Variants in KCNQ1OT1 observed in about 807,000 individuals in gnomAD.
The protein encoded by KCNQ1OT1 is KCNQ1 opposite strand/antisense transcript 1, also known as KCNQ1 antisense RNA 2 (non-protein coding).
In KCNQ1OT1 at chr11:2,612,729, C is replaced by G. The variant is rs1849000918; in HGVS notation, n.87266G>C. ...TGAAATCGCGCCCTAACATTTGGGGCCCTTCAGAGATAATTCCTATTTATT... is the reference window on the plus strand; with the variant it reads ...TGAAATCGCGCCCTAACATTTGGGGGCCTTCAGAGATAATTCCTATTTATT... On this transcript the variant is annotated non_coding_transcript_exon_variant, in exon 1 of 1. Transcript: ENST00000597346. This position sits in a 1 kb window ranked among gnomAD's most constrained non-coding sequence, Gnocchi z 5.5. 2.5e-6 allele frequency: 1 copy of G among 398,482 alleles called. No homozygotes were observed. The highest frequency in any genetic ancestry group is 4.4e-6 in the Non-Finnish European group (1 of 226,048). 24.7% of individuals were successfully genotyped at this position (398,482 alleles called of 1,614,324 possible). A position where few individuals can be genotyped will look rare whatever the true frequency, so the allele number is the denominator to read the frequency against.
At chr11:2,619,919 A>C in exon 1 of KCNQ1OT1, 1 of 397,804 alleles carries the variant, frequency 2.5e-6, no homozygotes, top group Non-Finnish European at 4.4e-6. Flanking sequence ...TGGTATATGG[A>C]GTATACTGCA....
chr11:2,615,256 C>T, exon 1 of KCNQ1OT1: 1 of 398,030 alleles, frequency 2.5e-6, no homozygotes, highest in Non-Finnish European at 4.4e-6. Flanking sequence ...TGAACATGTA[C>T]CCTGCAATTT....
At chr11:2,650,155 A>C (rs1385381123) in exon 1 of KCNQ1OT1, 2 of 398,210 alleles carry the variant, frequency 5.0e-6, no homozygotes, top group African/African-American at 4.1e-5. Flanking sequence ...TTTCATATCT[A>C]ACTCTGCTGG....
In KCNQ1OT1 at chr11:2,617,456, T is replaced by A. The variant is rs561193603; in HGVS notation, n.82539A>T. ...CATTGTAGACATACACACCACAGTTTAGTCATCCATCAATGGACACGTAAG... is the reference window on the plus strand; with the variant it reads ...CATTGTAGACATACACACCACAGTTAAGTCATCCATCAATGGACACGTAAG... On this transcript the variant is annotated non_coding_transcript_exon_variant, in exon 1 of 1. Coordinates refer to ENST00000597346, the Ensembl canonical transcript of KCNQ1OT1. The surrounding 1 kb of genome is among the most constrained non-coding windows in gnomAD (Gnocchi z 4.6). 2.5e-6 allele frequency: 1 copy of A among 398,350 alleles called. No homozygotes were observed. The highest frequency in any genetic ancestry group is 3.6e-5 in the East Asian group (1 of 28,074). The allele number at this position is 398,350 out of a possible 1,614,324, so 24.7% of individuals were successfully genotyped here. A position where few individuals can be genotyped will look rare whatever the true frequency, so the allele number is the denominator to read the frequency against.
chr11:2,643,909 A>T (rs1849620684), exon 1 of KCNQ1OT1: 1 of 398,482 alleles, frequency 2.5e-6, no homozygotes, highest in African/African-American at 2.1e-5. Flanking sequence ...TTTTTCTTTC[A>T]GCACTCTGCG....
In KCNQ1OT1 at chr11:2,652,160, G is replaced by T. The variant is rs772776049; in HGVS notation, n.47835C>A. On this transcript the variant is annotated non_coding_transcript_exon_variant, in exon 1 of 1. Transcript: ENST00000597346. This position sits in a 1 kb window ranked among gnomAD's most constrained non-coding sequence, Gnocchi z 5.9. ...TGTTTCTCAAGCCCGCGCCCTCGGG[G>T]CCTGGGGGTGGGGCCCCAGCAGATG... 9 of 398,572 alleles carry T rather than the reference G, an allele frequency of 2.3e-5. No individual in the cohort carries two copies. Among genetic ancestry groups the T allele is most frequent in the Non-Finnish European group, 4.0e-5 (9 of 226,134 alleles). 24.7% of individuals were successfully genotyped at this position (398,572 alleles called of 1,614,324 possible). A position where few individuals can be genotyped will look rare whatever the true frequency, so the allele number is the denominator to read the frequency against.
Position 2,671,946 on chromosome 11 carries a change from G to A in KCNQ1OT1, n.28049C>T, listed in dbSNP as rs532758414. 6.5e-5 allele frequency: 26 copies of A among 398,620 alleles called. No homozygotes were observed. In the East Asian group the frequency reaches 9.3e-4, roughly 14 times the overall value. 24.7% of individuals were successfully genotyped at this position (398,620 alleles called of 1,614,324 possible). ...CCTCAGGCAGCTAGTCTCTGTATCT[G>A]GGGTAGAAAGAGTGGGCTAAAAAGT... On this transcript the variant is annotated non_coding_transcript_exon_variant, in exon 1 of 1. Transcript: ENST00000597346. The surrounding 1 kb of genome is among the most constrained non-coding windows in gnomAD (Gnocchi z 4.7).
At chr11:2,693,612 A>G in exon 1 of KCNQ1OT1, 1 of 398,648 alleles carries the variant, frequency 2.5e-6, no homozygotes, top group East Asian at 3.6e-5. Context: ...ATTGCAAACA[A>G]GAGCTTCGCC....
In KCNQ1OT1 at chr11:2,626,535, TTTTG is replaced by T. The variant is rs1280525303; in HGVS notation, n.73456_73459del. On this transcript the variant is annotated non_coding_transcript_exon_variant, in exon 1 of 1. Coordinates refer to ENST00000597346, the Ensembl canonical transcript of KCNQ1OT1. This position sits in a 1 kb window ranked among gnomAD's most constrained non-coding sequence, Gnocchi z 4.0. ...CTGTAGCTTCGTAATAAGTTGGGGTTTTTGTTTGTTTTTCAGACATTCTTACTCT... is the reference window on the plus strand; with the variant it reads ...CTGTAGCTTCGTAATAAGTTGGGGTTTTTGTTTTTCAGACATTCTTACTCT... 2 of 398,452 alleles carry T rather than the reference TTTTG, an allele frequency of 5.0e-6. No homozygotes were observed. The highest frequency in any genetic ancestry group is 8.8e-6 in the Non-Finnish European group (2 of 226,088). 24.7% of individuals were successfully genotyped at this position (398,452 alleles called of 1,614,324 possible).
exon 1 of KCNQ1OT1, chr11:2,667,748 C>T: frequency 2.5e-6 from 1 of 398,730 alleles, no homozygotes. Context: ...TGGGATGGGG[C>T]TGGGCCTAGC....
chr11:2,695,008 G>A lies in KCNQ1OT1; in HGVS notation n.4987C>T. The stretch of plus-strand genomic sequence containing the variant: ...CTGGCAGAGCCAAAGCTCAGTGAGG[G>A]AGGACAGTGGTCAGAGAGGTAAGCA... On this transcript the variant is annotated non_coding_transcript_exon_variant, in exon 1 of 1. Transcript: ENST00000597346. The surrounding 1 kb of genome is among the most constrained non-coding windows in gnomAD (Gnocchi z 5.2). 1 of 398,748 alleles carries A rather than the reference G, an allele frequency of 2.5e-6. No individual in the cohort carries two copies. The allele number at this position is 398,748 out of a possible 1,614,324, so 24.7% of individuals were successfully genotyped here. A position where few individuals can be genotyped will look rare whatever the true frequency, so the allele number is the denominator to read the frequency against.
At chr11:2,693,713 T>C (rs1014104475) in exon 1 of KCNQ1OT1, 42 of 398,662 alleles carry the variant, frequency 1.1e-4, no homozygotes, top group East Asian at 4.3e-4. Flanking sequence ...TGGGCCTTCC[T>C]GGCTGGTGTG....
chr11:2,696,133 T>C (rs2133897898), exon 1 of KCNQ1OT1: 2 of 398,650 alleles, frequency 5.0e-6, no homozygotes, highest in East Asian at 3.6e-5. Context: ...TTCAAGTTCA[T>C]ACATTTTAGT....
At position 2,668,032 on chromosome 11, in the gene KCNQ1OT1, C is replaced by G; in HGVS notation, n.31963G>C. The G allele has an allele frequency of 2.5e-6, 1 of 398,634 alleles. No individual in the cohort carries two copies. Among genetic ancestry groups the G allele is most frequent in the Non-Finnish European group, 4.4e-6 (1 of 226,072 alleles). The allele number at this position is 398,634 out of a possible 1,614,324, so 24.7% of individuals were successfully genotyped here. ...AGGCCTAACTGCTAGCAGCAAGGAC[C>G]AGCTTTGCCCACATTTGAACTTTAT... On this transcript the variant is annotated non_coding_transcript_exon_variant, in exon 1 of 1. Transcript: ENST00000597346. This position sits in a 1 kb window ranked among gnomAD's most constrained non-coding sequence, Gnocchi z 4.3.
chr11:2,612,548 C>T lies in KCNQ1OT1; in HGVS notation n.87447G>A. On this transcript the variant is annotated non_coding_transcript_exon_variant, in exon 1 of 1. Coordinates refer to ENST00000597346, the Ensembl canonical transcript of KCNQ1OT1. This position sits in a 1 kb window ranked among gnomAD's most constrained non-coding sequence, Gnocchi z 5.5. The stretch of plus-strand genomic sequence containing the variant: ...CTTAGCCGCACTAGTGAGTTTTTCA[C>T]CTAAGTTATTATATTTCACAACTAC... 1 of 398,532 alleles carries T rather than the reference C, an allele frequency of 2.5e-6. No homozygotes were observed. Among genetic ancestry groups the T allele is most frequent in the African/African-American group, 2.1e-5 (1 of 48,722 alleles). 24.7% of individuals were successfully genotyped at this position (398,532 alleles called of 1,614,324 possible).
chr11:2,651,565 T>C lies in KCNQ1OT1; in HGVS notation n.48430A>G, dbSNP rs1849756985. The C allele has an allele frequency of 2.5e-6, 1 of 398,638 alleles. No individual in the cohort carries two copies. Among genetic ancestry groups the C allele is most frequent in the Non-Finnish European group, 4.4e-6 (1 of 226,072 alleles). The allele number at this position is 398,638 out of a possible 1,614,324, so 24.7% of individuals were successfully genotyped here. On this transcript the variant is annotated non_coding_transcript_exon_variant, in exon 1 of 1. Coordinates refer to ENST00000597346, the Ensembl canonical transcript of KCNQ1OT1. This position sits in a 1 kb window ranked among gnomAD's most constrained non-coding sequence, Gnocchi z 6.1. The stretch of plus-strand genomic sequence containing the variant: ...CTGAGAACATGGATATTGTGTTCTT[T>C]ACCTCCATGTCTCCAGTGCCTGCCA...
exon 1 of KCNQ1OT1, chr11:2,686,338 A>C (rs895793024): frequency 2.0e-5 from 8 of 398,718 alleles, no homozygotes; most frequent in African/African-American, 1.6e-4. Flanking sequence ...ACCTGTTCCA[A>C]GCTGGGGGAG....
At chr11:2,609,390 G>A in exon 1 of KCNQ1OT1, 1 of 398,362 alleles carries the variant, frequency 2.5e-6, no homozygotes, top group Non-Finnish European at 4.4e-6. Context: ...AAGATACCTT[G>A]TATTATTTCA....
At chr11:2,630,932 G>T (rs1168854797) in exon 1 of KCNQ1OT1, 2 of 398,350 alleles carry the variant, frequency 5.0e-6, no homozygotes, top group Admixed American at 4.4e-5. Context: ...GAAAGTTTTT[G>T]CTCAGAAATC....
Sources: allele counts gnomAD v4.1 joint callset, GRCh38; gene constraint gnomAD v4.1.1; non-coding constraint Gnocchi (gnomAD v3.1); transcripts MANE v1.5; gene names NCBI Gene and HGNC (gene_info 2026-07-23, HGNC 2026-07-21).